Variants in PRKACB observed in about 807,000 individuals in gnomAD.
The protein encoded by PRKACB is cAMP-dependent protein kinase catalytic subunit beta.
In PRKACB, 16 loss-of-function variants were observed where a neutral mutation model predicts 51.4. That is an observed-to-expected ratio of 0.31 (90% CI 0.21 to 0.47). PRKACB has a LOEUF of 0.47. Among genes scored for constraint, PRKACB ranks in the 20% least tolerant of loss-of-function variants. The pLI is 1.00. For synonymous variants in PRKACB, 147 were observed against 154.4 expected (o/e 0.95, Z 0.35); for missense variants, 309 against 464.5 (o/e 0.67, Z 3.08).
At chr1:84,087,483 T>C (rs962282082) in intron 1 of PRKACB, among the ~76,000 whole-genome samples, 5 of 144,804 alleles carry the variant, frequency 3.5e-5, no homozygotes, top group Non-Finnish European at 5.9e-5. Context: ...AGGTGAAACA[T>C]GTGTTTACAA....
chr1:84,202,159 A>G (rs749615175), intron 7 of PRKACB, among the ~76,000 whole-genome samples: 2 of 152,140 alleles, frequency 1.3e-5, no homozygotes, highest in Non-Finnish European at 2.9e-5. Context: ...CCTATGAAGC[A>G]GATGGGATTA....
intron 9 of PRKACB, among the ~76,000 whole-genome samples, chr1:84,233,179 G>A (rs1315688951): frequency 2.0e-5 from 3 of 151,986 alleles, no homozygotes; most frequent in African/African-American, 7.3e-5. Context: ...ATGAAGCTTA[G>A]TTTGGCTGGA....
At position 84,211,868 on chromosome 1, in the gene PRKACB, A is replaced by G. The variant is rs199995926; in HGVS notation, c.907-2285A>G. On this transcript the variant is annotated intron_variant, in intron 8 of 9. Coordinates refer to ENST00000370685, the MANE Select transcript of PRKACB (RefSeq NM_182948.4). ...AAACCACTGTGTCAAGAATAAAACT[A>G]GAGAAGGTAGAAGTTCACATATCTT... Among the ~76,000 whole-genome samples the G allele has an allele frequency of 3.9e-4, 59 of 152,316 alleles. No homozygotes were observed. In the East Asian group the frequency reaches 0.011, roughly 28 times the overall value.
intron 1 of PRKACB, among the ~76,000 whole-genome samples, chr1:84,153,303 A>G (rs1440200648): frequency 1.3e-5 from 2 of 152,186 alleles, no homozygotes; most frequent in African/African-American, 4.8e-5. Context: ...TGTGACACAG[A>G]GACATGAAGT....
chr1:84,149,789 A>G (rs1440175099), intron 1 of PRKACB, among the ~76,000 whole-genome samples: 2 of 152,044 alleles, frequency 1.3e-5, no homozygotes, highest in Non-Finnish European at 2.9e-5. Flanking sequence ...TTTATATTTT[A>G]TAGGATTAAT....
intron 1 of PRKACB, among the ~76,000 whole-genome samples, chr1:84,161,867 A>G (rs1203479936): frequency 6.6e-6 from 1 of 151,966 alleles, no homozygotes; most frequent in African/African-American, 2.4e-5. Flanking sequence ...AACAGAAAAA[A>G]TGTGTATTTA....
chr1:84,202,726 T>C lies in PRKACB; in HGVS notation c.827T>C (p.Ile276Thr). The change falls in exon 8 of 10, where the codon ATC becomes ACC. Residue 276 changes from isoleucine to threonine, a missense_variant. By Grantham distance (89) the Ile-to-Thr change is moderately conservative. Transcript: ENST00000370685. ...AVDWWALGVLIYEMAAGYPPF... is the reference protein window; with the variant it reads ...AVDWWALGVLTYEMAAGYPPF... The stretch of plus-strand genomic sequence containing the variant: ...GATTGGTGGGCATTAGGAGTGCTAA[T>C]CTATGAAATGGCAGCTGGCTATCCC... 1 of 1,610,530 alleles carries C rather than the reference T, an allele frequency of 6.2e-7. No individual in the cohort carries two copies. Among genetic ancestry groups the C allele is most frequent in the Non-Finnish European group, 8.5e-7 (1 of 1,177,232 alleles).
chr1:84,083,957 A>G (rs973602670), intron 1 of PRKACB, among the ~76,000 whole-genome samples: 2 of 152,214 alleles, frequency 1.3e-5, no homozygotes, highest in South Asian at 2.1e-4. Flanking sequence ...TAAAGATTGA[A>G]TAGGACAGAG....
rs1055124820 is a variant in PRKACB at position 84,238,186 on chromosome 1, C to G, written c.*2881C>G. 1.3e-5 allele frequency: 2 copies of G among 152,374 alleles called. No individual in the cohort carries two copies. The highest frequency in any genetic ancestry group is 4.8e-5 in the African/African-American group (2 of 41,406). The allele number at this position is 152,374 out of a possible 1,614,324, so 9.4% of individuals were successfully genotyped here. A position where few individuals can be genotyped will look rare whatever the true frequency, so the allele number is the denominator to read the frequency against. On this transcript the variant is annotated 3_prime_UTR_variant, in exon 10 of 10. Transcript: ENST00000370685. ...TATTGTGGCTTATGGGTATTGCTGT[C>G]TCATTCTTGGTATATTCTTGTGTTA...
At position 84,202,055 on chromosome 1, in the gene PRKACB, A is replaced by T. The variant is rs528813249; in HGVS notation, c.784-628A>T. Among the ~76,000 whole-genome samples, 4 of 152,134 alleles carry T rather than the reference A, an allele frequency of 2.6e-5. No individual in the cohort carries two copies. The South Asian group carries it at 8.3e-4, about 32-fold the overall frequency. ...CATTTTTTTCCTGCATATCTTTTAGATATAGGAAGCAAGACAGTAGATAGC... is the reference window on the plus strand; with the variant it reads ...CATTTTTTTCCTGCATATCTTTTAGTTATAGGAAGCAAGACAGTAGATAGC... On this transcript the variant is annotated intron_variant, in intron 7 of 9. Coordinates refer to ENST00000370685, the MANE Select transcript of PRKACB (RefSeq NM_182948.4).
At chr1:84,232,007 G>C (rs1046077743) in intron 9 of PRKACB, among the ~76,000 whole-genome samples, 1 of 150,926 alleles carries the variant, frequency 6.6e-6, no homozygotes, top group African/African-American at 2.4e-5. Flanking sequence ...TTTTAATTGT[G>C]ATGTTAGGGT....
At chr1:84,116,935 A>G (rs904034989) in intron 1 of PRKACB, among the ~76,000 whole-genome samples, 6 of 151,880 alleles carry the variant, frequency 4.0e-5, no homozygotes, top group Non-Finnish European at 8.8e-5. Flanking sequence ...CCCATTTAGT[A>G]TGTTGTTAGC....
chr1:84,139,270 A>C (rs190933341), intron 1 of PRKACB, among the ~76,000 whole-genome samples: 3 of 152,172 alleles, frequency 2.0e-5, no homozygotes, highest in Non-Finnish European at 2.9e-5. Context: ...GACTGCCTAC[A>C]TAGAAAATTG....
chr1:84,137,787 C>G (rs1321893322), intron 1 of PRKACB, among the ~76,000 whole-genome samples: 2 of 152,098 alleles, frequency 1.3e-5, no homozygotes, highest in African/African-American at 4.8e-5. Flanking sequence ...TGAAATTGAA[C>G]AAGTAAATAA....
At chr1:84,105,695 C>T (rs1256929672) in intron 1 of PRKACB, among the ~76,000 whole-genome samples, 1 of 152,056 alleles carries the variant, frequency 6.6e-6, no homozygotes, top group Admixed American at 6.6e-5. Flanking sequence ...CCTGCCTCAG[C>T]CTCTTGAGTA....
chr1:84,216,689 A>G (rs1672933163), intron 9 of PRKACB, among the ~76,000 whole-genome samples: 1 of 152,206 alleles, frequency 6.6e-6, no homozygotes, highest in Admixed American at 6.5e-5. Flanking sequence ...TCTTCAAAAT[A>G]ATCCTGTGAA....
chr1:84,178,884 T>C (rs1326089525), intron 1 of PRKACB: 1 of 186,956 alleles, frequency 5.3e-6, no homozygotes, highest in African/African-American at 2.4e-5. Context: ...AATTAATTTC[T>C]GACTTTCTTA....
intron 2 of PRKACB, chr1:84,181,823 G>A: frequency 1.2e-6 from 1 of 807,282 alleles, no homozygotes; most frequent in South Asian, 2.7e-5. Flanking sequence ...ATGACTCTTT[G>A]TCAGTATGCC....
chr1:84,164,252 G>C, intron 1 of PRKACB: 1 of 1,445,556 alleles, frequency 6.9e-7, no homozygotes, highest in Non-Finnish European at 9.2e-7. Context: ...AAAAATGAAA[G>C]CTATCAGCGA....
Sources: gnomAD v4.1 joint callset for allele counts (sites outside exome capture counted in the v4.1 genomes callset) on GRCh38, gnomAD v4.1.1 for gene constraint, MANE v1.5 for transcripts, NCBI Gene and HGNC (gene_info 2026-07-23, HGNC 2026-07-21) for gene names.